The following HMBOX1 variants were observed in gnomAD, a reference collection of about 807,000 sequenced individuals.
HMBOX1 encodes the protein homeobox-containing protein 1.
Under a neutral mutation model 54.5 loss-of-function variants are expected in HMBOX1, and 14 were observed. That is an observed-to-expected ratio of 0.26 (90% CI 0.17 to 0.40). HMBOX1 has a LOEUF of 0.40. Among genes scored for constraint, HMBOX1 ranks in the 10% least tolerant of loss-of-function variants. HMBOX1 has a pLI of 1.00. For missense variants in HMBOX1, 332 were observed against 514.4 expected (o/e 0.65, Z 3.43); for synonymous variants, 160 against 181.0 (o/e 0.88, Z 0.93).
intron 1 of HMBOX1, among the ~76,000 whole-genome samples, chr8:28,913,401 TTCTC>T (rs1434606653): frequency 1.3e-5 from 2 of 152,158 alleles, no homozygotes; most frequent in Non-Finnish European, 2.9e-5. Context: ...CCACATGCTG[TTCTC>T]TCTAAGTAGG....
chr8:29,018,519 A>C (rs1254004272), intron 5 of HMBOX1, among the ~76,000 whole-genome samples: 1 of 152,196 alleles, frequency 6.6e-6, no homozygotes, highest in Admixed American at 6.5e-5. Flanking sequence ...ACCTGCATAA[A>C]TTCCTTAAGC....
chr8:28,923,260 A>G (rs1328678367), intron 1 of HMBOX1, among the ~76,000 whole-genome samples: 3 of 152,172 alleles, frequency 2.0e-5, no homozygotes, highest in Non-Finnish European at 4.4e-5. Flanking sequence ...CATTTCATAT[A>G]AACAGAATCA....
At chr8:29,037,442 C>A (rs530314319) in intron 6 of HMBOX1, among the ~76,000 whole-genome samples, 1 of 151,862 alleles carries the variant, frequency 6.6e-6, no homozygotes. Flanking sequence ...AAAATTAGCA[C>A]GTGCTTAATA....
intron 4 of HMBOX1, among the ~76,000 whole-genome samples, chr8:29,006,238 C>T (rs1833435233): frequency 6.6e-6 from 1 of 152,070 alleles, no homozygotes; most frequent in Non-Finnish European, 1.5e-5. Flanking sequence ...GACAATCCAC[C>T]CACCTCTGCC....
intron 1 of HMBOX1, among the ~76,000 whole-genome samples, chr8:28,917,592 G>A (rs938734443): frequency 2.0e-5 from 3 of 151,966 alleles, no homozygotes; most frequent in Non-Finnish European, 4.4e-5. Context: ...ATACTGAATA[G>A]TAGTGGTTAG....
chr8:29,041,863 C>A (rs1294112702), intron 6 of HMBOX1, among the ~76,000 whole-genome samples: 2 of 152,020 alleles, frequency 1.3e-5, no homozygotes, highest in Admixed American at 6.6e-5. Context: ...TTGAGAATTT[C>A]TGAACAGGAT....
At chr8:28,900,941 A>G (rs1813132698) in intron 1 of HMBOX1, among the ~76,000 whole-genome samples, 1 of 152,146 alleles carries the variant, frequency 6.6e-6, no homozygotes, top group Admixed American at 6.5e-5. Context: ...TGTGAACATG[A>G]ACTTTGGAGC....
At chr8:28,945,058 A>G (rs531054288) in intron 1 of HMBOX1, among the ~76,000 whole-genome samples, 4 of 152,284 alleles carry the variant, frequency 2.6e-5, no homozygotes, top group East Asian at 1.9e-4. Flanking sequence ...AGCCATTCCA[A>G]TGTTGTTATT....
chr8:28,963,976 C>A, intron 2 of HMBOX1, 86 bp downstream of exon 2: 2 of 1,070,808 alleles, frequency 1.9e-6, no homozygotes, highest in Non-Finnish European at 2.8e-6. Context: ...CCAGATTTGA[C>A]AACAGACGTT....
chr8:28,921,362 CATAGACGTTTGACCATCACTTGAT>C (rs1398877916), intron 1 of HMBOX1, among the ~76,000 whole-genome samples: 3 of 152,128 alleles, frequency 2.0e-5, no homozygotes. Context: ...AAAATATTTC[CATAGACGTTTGACCATCACTTGAT>C]ATCAGGATGA....
At chr8:29,043,479 C>G (rs978747112) in intron 6 of HMBOX1, among the ~76,000 whole-genome samples, 1 of 152,262 alleles carries the variant, frequency 6.6e-6, no homozygotes, top group Non-Finnish European at 1.5e-5. Flanking sequence ...TTACATGTCT[C>G]TCTGTAGTAG....
At chr8:28,897,031 C>T (rs1812270359) in intron 1 of HMBOX1, among the ~76,000 whole-genome samples, 4 of 147,084 alleles carry the variant, frequency 2.7e-5, no homozygotes, top group African/African-American at 1.0e-4. Flanking sequence ...GTTACCCAGG[C>T]TGGAGTACAA....
intron 1 of HMBOX1, among the ~76,000 whole-genome samples, chr8:28,932,547 G>A (rs1179171259): frequency 6.6e-6 from 1 of 152,106 alleles, no homozygotes; most frequent in African/African-American, 2.4e-5. Flanking sequence ...AGGGTTAGCA[G>A]TATTTCAGTC....
At chr8:29,046,950 C>T (rs978080137) in intron 7 of HMBOX1, among the ~76,000 whole-genome samples, 17 of 152,166 alleles carry the variant, frequency 1.1e-4, no homozygotes, top group African/African-American at 3.9e-4. Context: ...CCACCGCATT[C>T]CAGCCTGGGT....
chr8:29,031,998 G>A (rs1380045379), intron 6 of HMBOX1, among the ~76,000 whole-genome samples: 3 of 152,208 alleles, frequency 2.0e-5, no homozygotes, highest in Non-Finnish European at 4.4e-5. Flanking sequence ...AAGGCACAGA[G>A]GCTGGAAAAA....
intron 6 of HMBOX1, among the ~76,000 whole-genome samples, chr8:29,031,341 A>C (rs1755073179): frequency 6.6e-6 from 1 of 152,220 alleles, no homozygotes; most frequent in Non-Finnish European, 1.5e-5. Context: ...TATTAAGTAG[A>C]ATATCATTGT....
chr8:29,046,797 A>G (rs1805624438), intron 7 of HMBOX1, among the ~76,000 whole-genome samples: 1 of 152,172 alleles, frequency 6.6e-6, no homozygotes, highest in Admixed American at 6.5e-5. Context: ...CCTGGGCAAC[A>G]ATGGCGAGAC....
chr8:28,997,288 GT>G (rs746420966), intron 4 of HMBOX1, among the ~76,000 whole-genome samples: 20 of 152,022 alleles, frequency 1.3e-4, no homozygotes, highest in Non-Finnish European at 2.2e-4. Flanking sequence ...TCTATTCTTA[GT>G]TTTTTGAGTA....
chr8:28,979,313 T>G (rs533485174), intron 3 of HMBOX1, among the ~76,000 whole-genome samples: 5 of 152,230 alleles, frequency 3.3e-5, no homozygotes, highest in Non-Finnish European at 7.3e-5. Flanking sequence ...GAATGTCTGG[T>G]CTTTTGAGAA....
Sources: gnomAD v4.1 joint callset for allele counts (sites outside exome capture counted in the v4.1 genomes callset) on GRCh38, gnomAD v4.1.1 for gene constraint, MANE v1.5 for transcripts, NCBI Gene and HGNC (gene_info 2026-07-23, HGNC 2026-07-21) for gene names.